The following MSH3 variants were observed in gnomAD, a reference collection of about 807,000 sequenced individuals.
MSH3 encodes the protein mutS homolog 3.
Under a neutral mutation model 123.3 loss-of-function variants are expected in MSH3, and 106 were observed. The observed-to-expected ratio is 0.86, with a 90% confidence interval of 0.73 to 1.01. The LOEUF (loss-of-function observed/expected upper bound fraction) is 1.01, where lower values mean the gene tolerates loss of function less well. Among genes scored for constraint, MSH3 ranks in the 50% least tolerant of loss-of-function variants. The probability of loss-of-function intolerance (pLI) is 0.00; values close to 1 mark genes in which losing one functional copy is unlikely to be tolerated. For missense variants in MSH3, 1,459 were observed against 1,347.6 expected, an observed-to-expected ratio of 1.08 and a Z score of -1.29; for synonymous variants, 515 against 481.4, an observed-to-expected ratio of 1.07 and a Z score of -0.91.
chr5:80,706,143 CTT>C (rs1187018925), intron 8 of MSH3, among the ~76,000 whole-genome samples: 1 of 152,050 alleles, frequency 6.6e-6, no homozygotes, highest in African/African-American at 2.4e-5. Context: ...TTTAAAAAAA[CTT>C]TTTTTGTTGT....
chr5:80,728,965 A>T lies in MSH3; in HGVS notation c.1568A>T (p.Glu523Val). Reference sequence around the variant, plus strand: ...TTGGAAAAGATGCTCTCCAAACCTGAGTAAGTGATTCCTCCAAAATTAAAA... The same window carrying T: ...TTGGAAAAGATGCTCTCCAAACCTGTGTAAGTGATTCCTCCAAAATTAAAA... ...FNLEKMLSKP[E>V]NFKQLSSKME... Residue 523 changes from glutamate to valine, a missense_variant and splice_region_variant, in exon 10 of 24, where the codon GAG becomes GTG. Transcript: ENST00000265081. 1 of 1,524,984 alleles carries T rather than the reference A, an allele frequency of 6.6e-7. No individual in the cohort carries two copies. Among genetic ancestry groups the T allele is most frequent in the Middle Eastern group, 1.7e-4 (1 of 5,862 alleles). 94.5% of individuals were successfully genotyped at this position (1,524,984 alleles called of 1,614,324 possible). A position where few individuals can be genotyped will look rare whatever the true frequency, so the allele number is the denominator to read the frequency against.
At chr5:80,727,480 A>C (rs1247665711) in intron 9 of MSH3, among the ~76,000 whole-genome samples, 1 of 152,252 alleles carries the variant, frequency 6.6e-6, no homozygotes, top group Non-Finnish European at 1.5e-5. Flanking sequence ...ATATAAGGAA[A>C]AAAGTAAAGT....
intron 9 of MSH3, 134 bp downstream of exon 9, chr5:80,725,699 G>A: frequency 1.4e-6 from 1 of 708,288 alleles, no homozygotes; most frequent in Admixed American, 2.1e-5. Flanking sequence ...CACTGTTGTT[G>A]TGCTCATCAG....
chr5:80,712,773 T>C (rs540091008), intron 8 of MSH3, among the ~76,000 whole-genome samples: 112 of 152,298 alleles, frequency 7.4e-4, no homozygotes, highest in Middle Eastern at 3.4e-3. Context: ...GCATCTTTTT[T>C]TTTTGTTGGT....
intron 15 of MSH3, 87 bp downstream of exon 15, chr5:80,769,090 A>C: frequency 1.7e-6 from 2 of 1,204,394 alleles, no homozygotes; most frequent in Non-Finnish European, 2.4e-6. Flanking sequence ...TGAGGATAGG[A>C]TATGTATTAT....
At chr5:80,849,908 A>C (rs757062597) in intron 20 of MSH3, among the ~76,000 whole-genome samples, 12 of 151,950 alleles carry the variant, frequency 7.9e-5, no homozygotes, top group African/African-American at 2.9e-4. Flanking sequence ...TTTCTATCAC[A>C]CTGTCAGGCT....
intron 10 of MSH3, among the ~76,000 whole-genome samples, chr5:80,740,713 C>CTT (rs34246815): frequency 5.5e-4 from 72 of 131,400 alleles, no homozygotes; most frequent in Middle Eastern, 4.2e-3. Flanking sequence ...ATGTTAGAAT[C>CTT]TTTTTTTTTT....
chr5:80,680,805 T>C (rs1186757420), intron 8 of MSH3, among the ~76,000 whole-genome samples: 3 of 152,152 alleles, frequency 2.0e-5, no homozygotes, highest in Admixed American at 2.0e-4. Context: ...CCTCTAATAT[T>C]TCAGTAGGTA....
At chr5:80,703,245 T>C (rs1750649579) in intron 8 of MSH3, among the ~76,000 whole-genome samples, 1 of 152,212 alleles carries the variant, frequency 6.6e-6, no homozygotes, top group African/African-American at 2.4e-5. Flanking sequence ...AGTGCCCTTT[T>C]TAAGTGTGAG....
At chr5:80,872,425 C>T (rs944652359) in intron 22 of MSH3, among the ~76,000 whole-genome samples, 1 of 152,120 alleles carries the variant, frequency 6.6e-6, no homozygotes. Flanking sequence ...GCTGAGATTG[C>T]GCCACTGCAC....
At chr5:80,773,067 TC>T (rs1418313383) in intron 15 of MSH3, among the ~76,000 whole-genome samples, 1 of 152,154 alleles carries the variant, frequency 6.6e-6, no homozygotes, top group African/African-American at 2.4e-5. Flanking sequence ...TCCAAACTGT[TC>T]CCAAGGTGCT....
At chr5:80,699,407 A>T (rs965015413) in intron 8 of MSH3, among the ~76,000 whole-genome samples, 1 of 151,888 alleles carries the variant, frequency 6.6e-6, no homozygotes, top group Non-Finnish European at 1.5e-5. Context: ...AAAGGTACAA[A>T]AATTAGTTGG....
intron 13 of MSH3, among the ~76,000 whole-genome samples, chr5:80,766,283 CT>C (rs1433600847): frequency 7.0e-6 from 1 of 143,166 alleles, no homozygotes; most frequent in African/African-American, 2.6e-5. Context: ...TATTTGTTTA[CT>C]TTATAGCTTC....
chr5:80,852,392 A>G (rs546117168), intron 20 of MSH3, among the ~76,000 whole-genome samples: 5 of 152,236 alleles, frequency 3.3e-5, no homozygotes, highest in East Asian at 1.9e-4. Context: ...CTAAAAATCA[A>G]TGACCCCCCA....
At chr5:80,833,544 G>A (rs1268688088) in intron 20 of MSH3, among the ~76,000 whole-genome samples, 1 of 152,232 alleles carries the variant, frequency 6.6e-6, no homozygotes, top group African/African-American at 2.4e-5. Flanking sequence ...CCGGGTTCAA[G>A]TGAGTCTCCT....
Position 80,865,416 on chromosome 5 carries a change from C to T in MSH3, c.3130+474C>T, listed in dbSNP as rs560332866. On this transcript the variant is annotated intron_variant, in intron 22 of 23. Coordinates refer to ENST00000265081, the MANE Select transcript of MSH3 (RefSeq NM_002439.5). The stretch of plus-strand genomic sequence containing the variant: ...TATTATAAGGAAACTGAATCTCAGA[C>T]AGGTAAAGTGGTTTGACCATGTCAA... Among the ~76,000 whole-genome samples, 6 of 152,222 alleles carry T rather than the reference C, an allele frequency of 3.9e-5. 1 individual carries two copies. Among genetic ancestry groups the T allele is most frequent in the Non-Finnish European group, 7.4e-5 (5 of 68,010 alleles).
intron 15 of MSH3, among the ~76,000 whole-genome samples, chr5:80,771,820 C>G (rs1383541761): frequency 6.6e-6 from 1 of 152,134 alleles, no homozygotes; most frequent in Admixed American, 6.6e-5. Flanking sequence ...CTGTTCCCAG[C>G]TTTTATATAC....
chr5:80,695,609 C>T (rs967748772), intron 8 of MSH3, among the ~76,000 whole-genome samples: 2 of 152,202 alleles, frequency 1.3e-5, no homozygotes, highest in African/African-American at 2.4e-5. Flanking sequence ...GCTGGGATTA[C>T]AGGTGTGAGC....
At chr5:80,851,598 A>G (rs182400936) in intron 20 of MSH3, among the ~76,000 whole-genome samples, 1 of 152,228 alleles carries the variant, frequency 6.6e-6, no homozygotes, top group East Asian at 1.9e-4. Context: ...TTTGCCTTTA[A>G]CTTTTTTATT....
Sources: gnomAD v4.1 joint callset for allele counts (sites outside exome capture counted in the v4.1 genomes callset) on GRCh38, gnomAD v4.1.1 for gene constraint, MANE v1.5 for transcripts, NCBI Gene and HGNC (gene_info 2026-07-23, HGNC 2026-07-21) for gene names.